PTPRN2: variants seen among roughly 807,000 people sequenced by gnomAD.
The protein encoded by PTPRN2 is receptor-type tyrosine-protein phosphatase N2.
PTPRN2 carries 74 observed loss-of-function variants against 118.8 expected under a neutral mutation model. The ratio of observed to expected loss-of-function variants is 0.62; its 90% CI spans 0.52 to 0.76. The LOEUF is 0.76. PTPRN2 is among the 30% of genes least tolerant of loss of function. PTPRN2 has a pLI of 0.00. For synonymous variants in PTPRN2, 641 were observed against 608.0 expected (o/e 1.05, Z -0.80); for missense variants, 1,481 against 1,394.4 (o/e 1.06, Z -0.99).
chr7:158,149,282 A>C (rs1820644433), intron 6 of PTPRN2, among the ~76,000 whole-genome samples: 1 of 152,206 alleles, frequency 6.6e-6, no homozygotes, highest in Non-Finnish European at 1.5e-5. Context: ...AAGACCTCCA[A>C]ACTTTTATAA....
intron 11 of PTPRN2, among the ~76,000 whole-genome samples, chr7:157,911,851 C>T (rs1395935473): frequency 6.7e-6 from 1 of 149,640 alleles, no homozygotes; most frequent in Non-Finnish European, 1.5e-5. Flanking sequence ...CTGTGATGTG[C>T]CTTCCGTCTT....
At position 158,192,435 on chromosome 7, in the gene PTPRN2, C is replaced by A; in HGVS notation, c.441G>T (p.Leu147=). Reference sequence around the variant, plus strand: ...GCAGGTGGCGTCGGAGGGCGTTGGCCAGGGCAGCACCGCCCTCCCGACTGT... The same window carrying A: ...GCAGGTGGCGTCGGAGGGCGTTGGCAAGGGCAGCACCGCCCTCCCGACTGT... ...RRYSREGGAA[L]ANALRRHLPF... is the part of the protein sequence containing the mutation. Residue 147 remains leucine, a synonymous_variant, in exon 5 of 23, where the codon CTG becomes CTT. Transcript: ENST00000389418. The A allele has an allele frequency of 6.4e-7, 1 of 1,553,020 alleles. No homozygotes were observed. The highest frequency in any genetic ancestry group is 1.4e-5 in the African/African-American group (1 of 70,644).
chr7:158,480,684 A>G (rs1416621437), intron 2 of PTPRN2, among the ~76,000 whole-genome samples: 3 of 152,254 alleles, frequency 2.0e-5, no homozygotes. Flanking sequence ...GAAAACGAGA[A>G]AGTGAAACAG....
intron 1 of PTPRN2, among the ~76,000 whole-genome samples, chr7:158,533,464 A>C (rs906375548): frequency 6.6e-6 from 1 of 152,172 alleles, no homozygotes; most frequent in African/African-American, 2.4e-5. Context: ...GAGTGGCCCA[A>C]CGTGGAGTGC....
chr7:158,274,508 A>AGGCACGGGGGAGCCG (rs1563074906), intron 3 of PTPRN2, among the ~76,000 whole-genome samples: 78 of 136,260 alleles, frequency 5.7e-4, no homozygotes, highest in Admixed American at 1.5e-3. Context: ...AGGGGGAGCC[A>AGGCACGGGGGAGCCG]CAGGCACGGG....
chr7:158,066,455 C>T (rs1810781646), intron 11 of PTPRN2, among the ~76,000 whole-genome samples: 1 of 152,238 alleles, frequency 6.6e-6, no homozygotes, highest in South Asian at 2.1e-4. Context: ...TGTGCTGCTT[C>T]CTTTCCTTCA....
intron 2 of PTPRN2, among the ~76,000 whole-genome samples, chr7:158,341,398 G>A (rs183494691): frequency 6.3e-5 from 9 of 142,190 alleles, no homozygotes; most frequent in Admixed American, 7.0e-5. Flanking sequence ...CTCACCATAA[G>A]AGCTGTCGCC....
chr7:157,933,296 T>C (rs546807680), intron 11 of PTPRN2, among the ~76,000 whole-genome samples: 1 of 118,130 alleles, frequency 8.5e-6, no homozygotes, highest in East Asian at 2.4e-4. Context: ...GTCACTCTGA[T>C]TGACAGTTTT....
intron 2 of PTPRN2, among the ~76,000 whole-genome samples, chr7:158,483,720 C>A (rs769894906): frequency 1.1e-4 from 16 of 152,148 alleles, no homozygotes; most frequent in Non-Finnish European, 2.1e-4. Flanking sequence ...AAATGCAATT[C>A]TCTGGCTATA....
At chr7:157,833,928 C>T (rs555268581) in intron 12 of PTPRN2, among the ~76,000 whole-genome samples, 57 of 152,324 alleles carry the variant, frequency 3.7e-4, no homozygotes, top group Admixed American at 5.2e-4. Flanking sequence ...TGGGCTGAGG[C>T]GCACTGAACC....
At chr7:157,999,860 GTTTTTA>G (rs1252547664) in intron 11 of PTPRN2, among the ~76,000 whole-genome samples, 1 of 151,826 alleles carries the variant, frequency 6.6e-6, no homozygotes, top group Non-Finnish European at 1.5e-5. Context: ...TTGGCCTCTG[GTTTTTA>G]TTTTTACTTT....
At chr7:158,527,116 C>T (rs1824836905) in intron 1 of PTPRN2, among the ~76,000 whole-genome samples, 1 of 152,106 alleles carries the variant, frequency 6.6e-6, no homozygotes, top group Non-Finnish European at 1.5e-5. Context: ...GGAGAGCATC[C>T]CTCCGAGGAG....
At chr7:158,050,262 T>C (rs566378420) in intron 11 of PTPRN2, among the ~76,000 whole-genome samples, 1 of 152,386 alleles carries the variant, frequency 6.6e-6, no homozygotes, top group African/African-American at 2.4e-5. Flanking sequence ...AAAGTGATCA[T>C]GCTTATATTT....
At chr7:157,857,644 T>A (rs898059719) in intron 12 of PTPRN2, 1 of 152,272 alleles carries the variant, frequency 6.6e-6, no homozygotes, top group Non-Finnish European at 1.5e-5. Context: ...GACAACCAGA[T>A]CCAGCTCTGA....
At chr7:157,721,907 A>G (rs1166679146) in intron 12 of PTPRN2, among the ~76,000 whole-genome samples, 2 of 152,214 alleles carry the variant, frequency 1.3e-5, no homozygotes, top group Non-Finnish European at 2.9e-5. Flanking sequence ...GTAGAGGCTC[A>G]GGGGTTAAGG....
chr7:158,478,936 A>C (rs1037895764), intron 2 of PTPRN2, among the ~76,000 whole-genome samples: 2 of 152,184 alleles, frequency 1.3e-5, no homozygotes, highest in Non-Finnish European at 2.9e-5. Context: ...ACAGGACATG[A>C]AAACACGTGT....
intron 3 of PTPRN2, among the ~76,000 whole-genome samples, chr7:158,215,309 T>C (rs1377599972): frequency 6.6e-6 from 1 of 152,142 alleles, no homozygotes; most frequent in African/African-American, 2.4e-5. Flanking sequence ...TAGGAATTAC[T>C]CAATGTCAAC....
chr7:157,982,084 G>GT (rs1264104639), intron 11 of PTPRN2, among the ~76,000 whole-genome samples: 6 of 147,408 alleles, frequency 4.1e-5, no homozygotes, highest in Middle Eastern at 3.4e-3. Flanking sequence ...AGAGTGCAGG[G>GT]TCCCCTCTAA....
intron 11 of PTPRN2, among the ~76,000 whole-genome samples, chr7:158,005,078 T>TC (rs1805547306): frequency 6.6e-6 from 1 of 150,886 alleles, no homozygotes; most frequent in African/African-American, 2.4e-5. Flanking sequence ...GGCCACTATT[T>TC]TTTTTTTTTT....
Sources: allele counts gnomAD v4.1 joint callset (sites outside exome capture counted in the v4.1 genomes callset), GRCh38; gene constraint gnomAD v4.1.1; transcripts MANE v1.5; gene names NCBI Gene and HGNC (gene_info 2026-07-23, HGNC 2026-07-21).